The following ALAD variants were observed in gnomAD, a reference collection of about 807,000 sequenced individuals.
ALAD encodes delta-aminolevulinic acid dehydratase.
A neutral mutation model predicts 44.4 loss-of-function variants in ALAD; 20 were observed. The ratio of observed to expected loss-of-function variants is 0.45; its 90% CI spans 0.32 to 0.65. ALAD has a LOEUF of 0.65. Ranked by LOEUF, ALAD falls within the 30% of genes least tolerant of loss-of-function variation. The pLI is 0.05. For missense variants in ALAD, 323 were observed against 445.7 expected (o/e 0.72, Z 2.48); for synonymous variants, 156 against 167.9 (o/e 0.93, Z 0.55).
chr9:113,393,612 G>GCAGCCAATGCCCCAGGA lies in ALAD; in HGVS notation c.-54_-53insTCCTGGGGCATTGGCTG. 2 of 1,471,354 alleles carry GCAGCCAATGCCCCAGGA rather than the reference G, an allele frequency of 1.4e-6. No homozygotes were observed. Among genetic ancestry groups the GCAGCCAATGCCCCAGGA allele is most frequent in the Non-Finnish European group, 1.9e-6 (2 of 1,052,216 alleles). The allele number at this position is 1,471,354 out of a possible 1,614,324, so 91.1% of individuals were successfully genotyped here. On this transcript the variant is annotated 5_prime_UTR_variant, in exon 2 of 12. An upstream open reading frame in the 5' UTR loses its in-frame stop. Coordinates refer to ENST00000409155, the MANE Select transcript of ALAD (RefSeq NM_000031.6). ...CAGTTGGTTGGAACCGAGGGCTCCT[G>GCAGCCAATGCCCCAGGA]GGGCATTGGCTGCAGGCTCTGTCTG...
At chr9:113,397,635 T>TC (rs1244073960) in intron 1 of ALAD, among the ~76,000 whole-genome samples, 3 of 145,268 alleles carry the variant, frequency 2.1e-5, no homozygotes, top group East Asian at 2.0e-4. Context: ...TTTTTTTTTT[T>TC]TTTTTTTGAG....
chr9:113,390,037 CTTTT>C (rs201277398), intron 7 of ALAD, among the ~76,000 whole-genome samples: 2 of 148,000 alleles, frequency 1.4e-5, no homozygotes, highest in East Asian at 2.0e-4. Context: ...TTCTGTGATT[CTTTT>C]TTTTTTTGAG....
Position 113,390,448 on chromosome 9 carries a change from T to C in ALAD, c.527A>G (p.Glu176Gly), listed in dbSNP as rs144464998. Residue 176 changes from glutamate to glycine, a missense_variant, in exon 7 of 12, where the codon GAA (glutamate) becomes GGA (glycine). Glu to Gly is a moderately conservative substitution (Grantham distance 98, BLOSUM62 -2). Transcript: ENST00000409155. ...TGCCATCAGGGCCTCTTTGATGGCT[T>C]CCACGCGTCCATCCATCATGTCCGA... ...APSDMMDGRV[E>G]AIKEALMAHG... 49 of 1,614,156 alleles carry C rather than the reference T, an allele frequency of 3.0e-5. No individual in the cohort carries two copies. The African/African-American group carries it at 5.6e-4, about 18-fold the overall frequency.
In ALAD at chr9:113,393,524, G is replaced by A. The variant is rs121912984; in HGVS notation, c.36C>T (p.Phe12=). The A allele has an allele frequency of 3.7e-6, 6 of 1,613,994 alleles. No homozygotes were observed. Among genetic ancestry groups the A allele is most frequent in the Middle Eastern group, 1.7e-4 (1 of 5,874 alleles). ...TCTGCCAGGCCCGAAGTAGTGGGTGGAAGTAGCCGCTGTGCAGAACGGACT... is the reference window on the plus strand; with the variant it reads ...TCTGCCAGGCCCGAAGTAGTGGGTGAAAGTAGCCGCTGTGCAGAACGGACT... ...QPQSVLHSGY[F]HPLLRAWQTA... Residue 12 remains phenylalanine (F), a synonymous_variant, in exon 2 of 12, where the codon TTC becomes TTT. Transcript: ENST00000409155.
rs772042887 is a variant in ALAD, at chr9:113,392,137, C to T, written c.146G>A (p.Ser49Asn). 8.1e-6 allele frequency: 13 copies of T among 1,613,544 alleles called. 1 individual carries two copies. The South Asian group carries it at 1.4e-4, about 18-fold the overall frequency. Residue 49 changes from serine to asparagine, a missense_variant, in exon 3 of 12, where the codon AGC becomes AAC. Physicochemically the swap from Ser to Asn is conservative, Grantham distance 46 (BLOSUM62 1). Coordinates refer to ENST00000409155, the MANE Select transcript of ALAD (RefSeq NM_000031.6). ...CTCCTACCTGGCCACTCCTGGGAGG[C>T]TGGTGATAGGCTGTATGTCATCAGG... ...DVPDDIQPIT[S>N]LPGVARYGVK...
At chr9:113,397,612 T>C (rs961623143) in intron 1 of ALAD, among the ~76,000 whole-genome samples, 3 of 149,146 alleles carry the variant, frequency 2.0e-5, no homozygotes, top group African/African-American at 7.4e-5. Flanking sequence ...GGAGTTTTTT[T>C]TCCTTTTCTT....
chr9:113,391,457 G>T, intron 4 of ALAD, 70 bp downstream of exon 4: 1 of 1,394,890 alleles, frequency 7.2e-7, no homozygotes, highest in Non-Finnish European at 1.0e-6. Flanking sequence ...ACCCACTTTG[G>T]CCTCCCAAAG....
At chr9:113,389,996 T>A (rs1827524400) in intron 7 of ALAD, among the ~76,000 whole-genome samples, 168 bp from the exon 8 acceptor site, 1 of 151,822 alleles carries the variant, frequency 6.6e-6, no homozygotes, top group Non-Finnish European at 1.5e-5. Context: ...TTTAAATGGT[T>A]CCCCAAAGCC....
In ALAD at chr9:113,389,659, A is replaced by G; in HGVS notation, c.654T>C (p.Phe218=). Residue 218 remains phenylalanine, a synonymous_variant, in exon 9 of 12, where the codon TTT becomes TTC. Transcript: ENST00000409155. ...GCAGCTGGTAGCAGCGGCGGTCCCC[A>G]AAAGCTGGGCTTGACTTAGCTGCAT... The part of the protein sequence containing the change: ...FRDAAKSSPA[F]GDRRCYQLPP... 1 of 1,614,136 alleles carries G rather than the reference A, an allele frequency of 6.2e-7. No individual in the cohort carries two copies. The highest frequency in any genetic ancestry group is 1.1e-5 in the South Asian group (1 of 91,090).
chr9:113,390,957 C>A (rs761494651), intron 4 of ALAD, 24 bp from the exon 5 acceptor site: 9 of 1,613,784 alleles, frequency 5.6e-6, no homozygotes, highest in Non-Finnish European at 7.6e-6. Flanking sequence ...AGGGACAAAG[C>A]AGTGTGTCTA....
intron 1 of ALAD, among the ~76,000 whole-genome samples, chr9:113,394,348 G>A (rs1827672623): frequency 6.6e-6 from 1 of 151,332 alleles, no homozygotes; most frequent in African/African-American, 2.4e-5. Flanking sequence ...GACCAGCCTG[G>A]GCAACATGGC....
In ALAD at chr9:113,401,283, G is replaced by GT. The variant is rs1827848612; in HGVS notation, c.-148dup. Reference sequence around the variant, plus strand: ...CCCGCTCCGGTCTCCCACAGACCGCGTAAGAGCGGGGGGGGCTCACCCGGA... The same window carrying GT: ...CCCGCTCCGGTCTCCCACAGACCGCGTTAAGAGCGGGGGGGGCTCACCCGGA... On this transcript the variant is annotated 5_prime_UTR_variant, in exon 1 of 12. Coordinates refer to ENST00000409155, the MANE Select transcript of ALAD (RefSeq NM_000031.6). The GT allele has an allele frequency of 7.2e-6, 1 of 138,998 alleles. No individual in the cohort carries two copies. Among genetic ancestry groups the GT allele is most frequent in the Non-Finnish European group, 1.6e-5 (1 of 62,236 alleles). The allele number at this position is 138,998 out of a possible 1,614,324, so 8.6% of individuals were successfully genotyped here.
intron 1 of ALAD, 109 bp from the exon 2 acceptor site, chr9:113,393,743 T>C (rs1827659735): frequency 3.4e-6 from 2 of 586,018 alleles, no homozygotes; most frequent in Admixed American, 2.9e-5. Context: ...TCTAGCCCAA[T>C]GCTACTCACA....
intron 1 of ALAD, chr9:113,396,177 CAAGAGAGAAA>C (rs1827720254): frequency 6.6e-6 from 1 of 151,960 alleles, no homozygotes; most frequent in Non-Finnish European, 1.5e-5. Context: ...GCATGGGCAA[CAAGAGAGAAA>C]CTCCATCTCA....
chr9:113,386,384 GT>G lies in ALAD; in HGVS notation c.*1915del, dbSNP rs886063356. 7.9e-5 allele frequency: 12 copies of G among 152,170 alleles called. No individual in the cohort carries two copies. The highest frequency in any genetic ancestry group is 1.3e-4 in the Admixed American group (2 of 15,272). The allele number at this position is 152,170 out of a possible 1,614,324, so 9.4% of individuals were successfully genotyped here. On this transcript the variant is annotated 3_prime_UTR_variant, in exon 12 of 12. Transcript: ENST00000409155. ...TACAATATAGATTTTGTGTTGGATA[GT>G]TTTGCCCACTGTAGGCTAATGTAAG...
chr9:113,393,614 G>A lies in ALAD; in HGVS notation c.-55C>T, dbSNP rs1436564763. 3 of 1,432,234 alleles carry A rather than the reference G, an allele frequency of 2.1e-6. No individual in the cohort carries two copies. The highest frequency in any genetic ancestry group is 1.1e-5 in the South Asian group (1 of 87,328). 88.7% of individuals were successfully genotyped at this position (1,432,234 alleles called of 1,614,324 possible). A position where few individuals can be genotyped will look rare whatever the true frequency, so the allele number is the denominator to read the frequency against. The stretch of plus-strand genomic sequence containing the variant: ...GTTGGTTGGAACCGAGGGCTCCTGG[G>A]GCATTGGCTGCAGGCTCTGTCTGTG... On this transcript the variant is annotated 5_prime_UTR_variant, in exon 2 of 12. Coordinates refer to ENST00000409155, the MANE Select transcript of ALAD (RefSeq NM_000031.6).
Position 113,391,638 on chromosome 9 carries a change from G to T in ALAD, c.165-15C>A. The stretch of plus-strand genomic sequence containing the variant: ...TCACACCATACCTGTGTGGGTGTGG[G>T]TAGAGGGGTTGAAGGAAGGCAGGTC... On this transcript the variant is annotated splice_polypyrimidine_tract_variant and intron_variant, in intron 3 of 11. Coordinates refer to ENST00000409155, the MANE Select transcript of ALAD (RefSeq NM_000031.6). 1 of 1,604,836 alleles carries T rather than the reference G, an allele frequency of 6.2e-7. No homozygotes were observed. Among genetic ancestry groups the T allele is most frequent in the Middle Eastern group, 1.7e-4 (1 of 6,046 alleles).
At chr9:113,388,483 C>A (rs1334327920) in intron 11 of ALAD, 122 bp from the exon 12 acceptor site, 1 of 899,388 alleles carries the variant, frequency 1.1e-6, no homozygotes, top group Non-Finnish European at 1.9e-6. Context: ...CCTGTGGGCA[C>A]ACCACATGAG....
In ALAD at chr9:113,392,168, C is replaced by A. The variant is rs1279180557; in HGVS notation, c.115G>T (p.Asp39Tyr). 6.2e-7 allele frequency: 1 copy of A among 1,613,874 alleles called. No individual in the cohort carries two copies. The highest frequency in any genetic ancestry group is 1.3e-5 in the African/African-American group (1 of 74,920). ...ATAGGCTGTATGTCATCAGGAACAT[C>A]CCTGCAAGAGCGGGGGTGGGATATG... The part of the protein sequence containing the change: ...SNLIYPIFVT[D>Y]VPDDIQPITS... Residue 39 changes from aspartate to tyrosine, a missense_variant and splice_region_variant, in exon 3 of 12, where the codon GAT becomes TAT. Coordinates refer to ENST00000409155, the MANE Select transcript of ALAD (RefSeq NM_000031.6).
Sources: gnomAD v4.1 joint callset for allele counts (sites outside exome capture counted in the v4.1 genomes callset) on GRCh38, gnomAD v4.1.1 for gene constraint, MANE v1.5 for transcripts, NCBI Gene and HGNC (gene_info 2026-07-23, HGNC 2026-07-21) for gene names.